CRNKL1: variants seen among roughly 807,000 people sequenced by gnomAD.
CRNKL1 encodes the protein crooked neck pre-mRNA splicing factor 1, also known as crooked neck-like protein 1.
In CRNKL1, 35 loss-of-function variants were observed where a neutral mutation model predicts 103.7. The ratio of observed to expected loss-of-function variants is 0.34; its 90% CI spans 0.26 to 0.45. CRNKL1 has a LOEUF of 0.45. CRNKL1 is among the 20% of genes least tolerant of loss of function. The pLI is 1.00. For synonymous variants in CRNKL1, 267 were observed against 282.6 expected (o/e 0.94, Z 0.55); for missense variants, 645 against 836.0 (o/e 0.77, Z 2.82).
upstream of CRNKL1, among the ~76,000 whole-genome samples, chr20:20,053,541 T>C (rs2043948779): frequency 6.6e-6 from 1 of 152,246 alleles, no homozygotes; most frequent in Non-Finnish European, 1.5e-5. Flanking sequence ...TTAGGATAAT[T>C]TCCACAGTTG....
At chr20:20,042,224 A>G (rs1404139515) in intron 8 of CRNKL1, 101 bp downstream of exon 8, 20 of 1,114,558 alleles carry the variant, frequency 1.8e-5, no homozygotes, top group Admixed American at 2.8e-5. Context: ...TTTAAAACTA[A>G]ATTTCCTTCT....
upstream of CRNKL1, among the ~76,000 whole-genome samples, chr20:20,053,221 A>G (rs1471630422): frequency 2.6e-5 from 4 of 151,704 alleles, no homozygotes; most frequent in African/African-American, 7.3e-5. Flanking sequence ...CTGAAAAGCA[A>G]AGGTTAAGAG....
chr20:20,041,758 C>A (rs990392360), intron 8 of CRNKL1, 133 bp from the exon 9 acceptor site: 2 of 641,666 alleles, frequency 3.1e-6, no homozygotes, highest in Non-Finnish European at 5.4e-6. Flanking sequence ...TTGTTACTTG[C>A]AAACCCTGAT....
intron 4 of CRNKL1, 31 bp downstream of exon 4, chr20:20,048,312 A>C (rs2043627341): frequency 6.2e-7 from 1 of 1,611,768 alleles, no homozygotes; most frequent in Non-Finnish European, 8.5e-7. Context: ...GCTAGTCTAT[A>C]AAAGGCTGTT....
At position 20,048,756 on chromosome 20, in the gene CRNKL1, A is replaced by G. The variant is rs528856820; in HGVS notation, c.297-255T>C. Reference sequence around the variant, plus strand: ...ACGGGAAACAGAGAGGAAGAAATGAAAATGTTTGGTGGAAAAGGCTAAGTA... The same window carrying G: ...ACGGGAAACAGAGAGGAAGAAATGAGAATGTTTGGTGGAAAAGGCTAAGTA... On this transcript the variant is annotated intron_variant, in intron 3 of 13. Transcript: ENST00000536226. 3.9e-5 allele frequency among the ~76,000 whole-genome samples: 6 copies of G among 152,336 alleles called. No individual in the cohort carries two copies. The East Asian group carries it at 1.2e-3, about 29-fold the overall frequency.
In CRNKL1 at chr20:20,052,273, G is replaced by A. The variant is rs1473828751; in HGVS notation, c.51+19C>T. The A allele has an allele frequency of 6.3e-7, 1 of 1,596,586 alleles. No individual in the cohort carries two copies. On this transcript the variant is annotated intron_variant, in intron 1 of 13. Coordinates refer to ENST00000536226, the MANE Select transcript of CRNKL1 (RefSeq NM_001278628.2). ...CCTTTCCTAGGCCACCTCCTACAAG[G>A]CCCCTCGCGATCGCCTACCTTGGCC... is the stretch of plus-strand genomic sequence containing the variant.
At chr20:20,038,216 T>C (rs1418436875) in intron 12 of CRNKL1, 133 bp downstream of exon 12, 8 of 608,148 alleles carry the variant, frequency 1.3e-5, no homozygotes, top group Non-Finnish European at 2.0e-5. Flanking sequence ...CTCACGTTTC[T>C]CTTGAAAAGC....
intron 1 of CRNKL1, 71 bp downstream of exon 1, chr20:20,052,221 C>A (rs2043772670): frequency 5.2e-6 from 7 of 1,353,904 alleles, no homozygotes; most frequent in Middle Eastern, 2.5e-4. Context: ...TCTCCCAACC[C>A]GGGCACCCTC....
chr20:20,049,450 GGTCAA>G lies in CRNKL1; in HGVS notation c.205-24_205-20del. ...CAAAAGTCTGGAAGAAGGCAAAAAG[GGTCAA>G]GTCAAAAGACAAATGACTAAAAATG... On this transcript the variant is annotated intron_variant, in intron 2 of 13. Transcript: ENST00000536226. The G allele has an allele frequency of 7.3e-7, 1 of 1,366,874 alleles. No homozygotes were observed. The highest frequency in any genetic ancestry group is 1.0e-6 in the Non-Finnish European group (1 of 968,370). 84.7% of individuals were successfully genotyped at this position (1,366,874 alleles called of 1,614,324 possible).
chr20:20,035,712 C>T lies in CRNKL1; in HGVS notation c.*483G>A, dbSNP rs1279419195. 1.3e-5 allele frequency: 2 copies of T among 154,980 alleles called. No individual in the cohort carries two copies. The highest frequency in any genetic ancestry group is 4.8e-5 in the African/African-American group (2 of 41,434). The allele number at this position is 154,980 out of a possible 1,614,324, so 9.6% of individuals were successfully genotyped here. A position where few individuals can be genotyped will look rare whatever the true frequency, so the allele number is the denominator to read the frequency against. ...TTACTATGCACCCACCAGGTATATT[C>T]CTTTTATAATGTAATCTTCAAAATG... is the stretch of plus-strand genomic sequence containing the variant. On this transcript the variant is annotated 3_prime_UTR_variant, in exon 14 of 14. Coordinates refer to ENST00000536226, the MANE Select transcript of CRNKL1 (RefSeq NM_001278628.2).
Position 20,052,274 on chromosome 20 carries a change from C to A in CRNKL1, c.51+18G>T, listed in dbSNP as rs540598140. The A allele has an allele frequency of 1.3e-6, 2 of 1,597,402 alleles. No homozygotes were observed. The highest frequency in any genetic ancestry group is 1.1e-5 in the South Asian group (1 of 90,038). Reference sequence around the variant, plus strand: ...CTTTCCTAGGCCACCTCCTACAAGGCCCCTCGCGATCGCCTACCTTGGCCA... The same window carrying A: ...CTTTCCTAGGCCACCTCCTACAAGGACCCTCGCGATCGCCTACCTTGGCCA... On this transcript the variant is annotated intron_variant, in intron 1 of 13. Transcript: ENST00000536226.
chr20:20,049,880 C>T (rs899668697), intron 2 of CRNKL1, among the ~76,000 whole-genome samples: 3 of 151,716 alleles, frequency 2.0e-5, no homozygotes, highest in Non-Finnish European at 4.4e-5. Flanking sequence ...TGCAGTGGCA[C>T]GATCTCGGCT....
Position 20,034,825 on chromosome 20 carries a change from TAAC to T in CRNKL1, c.*1367_*1369del, listed in dbSNP as rs1466223213. The T allele has an allele frequency of 1.3e-5, 2 of 152,250 alleles. No homozygotes were observed. Among genetic ancestry groups the T allele is most frequent in the Admixed American group, 6.5e-5 (1 of 15,278 alleles). The allele number at this position is 152,250 out of a possible 1,614,324, so 9.4% of individuals were successfully genotyped here. A position where few individuals can be genotyped will look rare whatever the true frequency, so the allele number is the denominator to read the frequency against. ...TATTTATTTTCAAGATAAAATTTAG[TAAC>T]AACATTACGAAGTAGCTTTTATTCC... On this transcript the variant is annotated 3_prime_UTR_variant, in exon 14 of 14. Transcript: ENST00000536226.
chr20:20,049,519 G>C (rs1299518886), intron 2 of CRNKL1, 88 bp from the exon 3 acceptor site: 3 of 663,810 alleles, frequency 4.5e-6, no homozygotes, highest in South Asian at 3.9e-5. Flanking sequence ...GTACTAAAAT[G>C]GTTATTCATT....
upstream of CRNKL1, among the ~76,000 whole-genome samples, chr20:20,054,725 A>G (rs777229748): frequency 1.3e-5 from 2 of 152,206 alleles, no homozygotes. Flanking sequence ...ACTGGCTTCT[A>G]ATGTTGCTCA....
At chr20:20,052,753 T>C, upstream of CRNKL1, 1 of 1,565,428 alleles carries the variant, frequency 6.4e-7, no homozygotes, top group Non-Finnish European at 8.7e-7. Flanking sequence ...AGCTCCAATC[T>C]GGATGCTCGA....
In CRNKL1 at chr20:20,034,945, CT is replaced by C. The variant is rs1387834757; in HGVS notation, c.*1249del. ...CAACCTTAAAAATACAGTTCTAGTC[CT>C]TGGGCAGTGAACAAAGAAAAAATGT... On this transcript the variant is annotated 3_prime_UTR_variant, in exon 14 of 14. Coordinates refer to ENST00000536226, the MANE Select transcript of CRNKL1 (RefSeq NM_001278628.2). The C allele has an allele frequency of 2.0e-5, 3 of 152,124 alleles. No homozygotes were observed. Among genetic ancestry groups the C allele is most frequent in the Non-Finnish European group, 4.4e-5 (3 of 68,012 alleles). The allele number at this position is 152,124 out of a possible 1,614,324, so 9.4% of individuals were successfully genotyped here.
upstream of CRNKL1, among the ~76,000 whole-genome samples, chr20:20,054,653 G>T (rs6046579): frequency 0.14 from 21,537 of 152,104 alleles, 1,670 homozygotes; most frequent in East Asian, 0.22. Context: ...ACAACATGTG[G>T]CTCATAAAGC....
upstream of CRNKL1, among the ~76,000 whole-genome samples, chr20:20,054,005 TTTTG>T (rs1178353605): frequency 0.02 from 2,232 of 112,694 alleles, 11 homozygotes; most frequent in Non-Finnish European, 0.029. Context: ...TGTGTGTTTT[TTTTG>T]TTTGTTTTTT....
Sources: gnomAD v4.1 joint callset for allele counts (sites outside exome capture counted in the v4.1 genomes callset) on GRCh38, gnomAD v4.1.1 for gene constraint, MANE v1.5 for transcripts, NCBI Gene and HGNC (gene_info 2026-07-23, HGNC 2026-07-21) for gene names.